KIRREL3: variants seen among roughly 807,000 people sequenced by gnomAD.
The protein encoded by KIRREL3 is kin of IRRE-like protein 3.
Under a neutral mutation model 89.7 loss-of-function variants are expected in KIRREL3, and 36 were observed. The ratio of observed to expected loss-of-function variants is 0.40; its 90% confidence interval spans 0.31 to 0.53. KIRREL3 has a LOEUF of 0.53. Among genes scored for constraint, KIRREL3 ranks in the 20% least tolerant of loss-of-function variants. The pLI, the probability that KIRREL3 is intolerant of heterozygous loss-of-function variation, is 0.49. For missense variants in KIRREL3, 864 were observed against 1,056.6 expected, an observed-to-expected ratio of 0.82 and a Z score of 2.53; for synonymous variants, 445 against 441.4, an observed-to-expected ratio of 1.01 and a Z score of -0.10.
chr11:126,753,954 A>G (rs1949415499), intron 1 of KIRREL3, among the ~76,000 whole-genome samples: 1 of 152,144 alleles, frequency 6.6e-6, no homozygotes, highest in Non-Finnish European at 1.5e-5. Flanking sequence ...GGAATGGTTT[A>G]TGTGTCTTCC....
At position 126,658,525 on chromosome 11, in the gene KIRREL3, A is replaced by G. The variant is rs527706046; in HGVS notation, c.56-95613T>C. Among the ~76,000 whole-genome samples, 5 of 152,340 alleles carry G rather than the reference A, an allele frequency of 3.3e-5. No individual in the cohort carries two copies. The South Asian group carries it at 1.0e-3, about 32-fold the overall frequency. On this transcript the variant is annotated intron_variant, in intron 1 of 16. Coordinates refer to ENST00000525144, the MANE Select transcript of KIRREL3 (RefSeq NM_032531.4). The stretch of plus-strand genomic sequence containing the variant: ...TTTAGCCTAATAACCTCAGTAAGGT[A>G]ATGTTTGATTTGTGCTAAGTATCTG...
chr11:126,600,782 A>G (rs1242299264), intron 1 of KIRREL3, among the ~76,000 whole-genome samples: 1 of 152,142 alleles, frequency 6.6e-6, no homozygotes, highest in Non-Finnish European at 1.5e-5. Flanking sequence ...CTCCTTATAC[A>G]CCTTTGATCA....
In KIRREL3 at chr11:126,477,511, A is replaced by G. The variant is rs1161393477; in HGVS notation, c.434-4045T>C. Among the ~76,000 whole-genome samples, 3 of 152,190 alleles carry G rather than the reference A, an allele frequency of 2.0e-5. No individual in the cohort carries two copies. The highest frequency in any genetic ancestry group is 4.4e-5 in the Non-Finnish European group (3 of 68,018). ...AAGTTACCAGTGACGAGAGCAAAGA[A>G]GGGTGAGGGTGGGCTTGGGACGCAC... On this transcript the variant is annotated intron_variant, in intron 4 of 16. Coordinates refer to ENST00000525144, the MANE Select transcript of KIRREL3 (RefSeq NM_032531.4). This position sits in a 1 kb window ranked among gnomAD's most constrained non-coding sequence, Gnocchi z 4.8.
intron 1 of KIRREL3, among the ~76,000 whole-genome samples, chr11:126,616,112 A>G (rs537443054): frequency 3.3e-4 from 50 of 152,362 alleles, no homozygotes; most frequent in African/African-American, 1.1e-3. Flanking sequence ...AGGAAGGAGC[A>G]GGTGCTCCAA....
Position 126,796,596 on chromosome 11 carries a change from T to A in KIRREL3, c.55+203859A>T, listed in dbSNP as rs1197401293. 1.3e-5 allele frequency among the ~76,000 whole-genome samples: 2 copies of A among 152,242 alleles called. No homozygotes were observed. Among genetic ancestry groups the A allele is most frequent in the African/African-American group, 4.8e-5 (2 of 41,466 alleles). ...CCACTGGGTGATTGGGCACTAGAAATGTTGGCACAAGTGCCCTCTTATGTT... is the reference window on the plus strand; with the variant it reads ...CCACTGGGTGATTGGGCACTAGAAAAGTTGGCACAAGTGCCCTCTTATGTT... On this transcript the variant is annotated intron_variant, in intron 1 of 16. Coordinates refer to ENST00000525144, the MANE Select transcript of KIRREL3 (RefSeq NM_032531.4). This position sits in a 1 kb window ranked among gnomAD's most constrained non-coding sequence, Gnocchi z 5.1.
chr11:126,601,394 C>G lies in KIRREL3; in HGVS notation c.56-38482G>C, dbSNP rs1047115725. On this transcript the variant is annotated intron_variant, in intron 1 of 16. Coordinates refer to ENST00000525144, the MANE Select transcript of KIRREL3 (RefSeq NM_032531.4). The surrounding 1 kb of genome is among the most constrained non-coding windows in gnomAD (Gnocchi z 5.8). ...GGGAACACAGCTCTGGGAGCACCTGCAATCTCATCTTGTTTCTTTCCAAGC... is the reference window on the plus strand; with the variant it reads ...GGGAACACAGCTCTGGGAGCACCTGGAATCTCATCTTGTTTCTTTCCAAGC... Among the ~76,000 whole-genome samples the G allele has an allele frequency of 7.9e-5, 12 of 152,208 alleles. No homozygotes were observed. The highest frequency in any genetic ancestry group is 2.4e-4 in the African/African-American group (10 of 41,452).
intron 1 of KIRREL3, among the ~76,000 whole-genome samples, chr11:126,674,892 C>T (rs1288451538): frequency 6.6e-6 from 1 of 152,098 alleles, no homozygotes; most frequent in Admixed American, 6.5e-5. Context: ...GAGGAGATGG[C>T]GTAGTGAGTT....
chr11:126,907,153 C>T (rs1946620484), intron 1 of KIRREL3, among the ~76,000 whole-genome samples: 1 of 152,092 alleles, frequency 6.6e-6, no homozygotes, highest in Admixed American at 6.5e-5. Context: ...TATGAAACTA[C>T]CTACCTTCCA....
At chr11:126,631,124 T>TATGTATTCATTC (rs543668078) in intron 1 of KIRREL3, among the ~76,000 whole-genome samples, 3,690 of 106,688 alleles carry the variant, frequency 0.035, 60 homozygotes, top group Admixed American at 0.054. Flanking sequence ...TGTATGTATG[T>TATGTATTCATTC]ATTCATTCAT....
In KIRREL3 at chr11:126,526,686, G is replaced by A. The variant is rs1328743657; in HGVS notation, c.135C>T (p.Gly45=). Residue 45 remains glycine (G), a splice_region_variant and synonymous_variant, in exon 3 of 17, where the codon GGC becomes GGT. Coordinates refer to ENST00000525144, the MANE Select transcript of KIRREL3 (RefSeq NM_032531.4). The surrounding 1 kb of genome is among the most constrained non-coding windows in gnomAD (Gnocchi z 5.7). ...GCTGCTGGCTGAAGGAATAGACTTG[G>A]CCTGGGAAGGAGACAAACACAATGG... ...AKDKFRRMNE[G]QVYSFSQQPQ... The A allele has an allele frequency of 6.4e-7, 1 of 1,559,444 alleles. No homozygotes were observed. Among genetic ancestry groups the A allele is most frequent in the Non-Finnish European group, 8.7e-7 (1 of 1,151,490 alleles).
chr11:126,786,524 T>TA (rs1290631067), intron 1 of KIRREL3, among the ~76,000 whole-genome samples: 2 of 152,214 alleles, frequency 1.3e-5, no homozygotes, highest in Non-Finnish European at 2.9e-5. Context: ...ATAACCTTCA[T>TA]AAAAATTAAT....
chr11:126,680,211 A>C (rs2135095769), intron 1 of KIRREL3, among the ~76,000 whole-genome samples: 1 of 152,288 alleles, frequency 6.6e-6, no homozygotes, highest in African/African-American at 2.4e-5. Flanking sequence ...TGCTTTCATG[A>C]CCAGTGAGGG....
In KIRREL3 at chr11:126,606,270, G is replaced by A. The variant is rs532637579; in HGVS notation, c.56-43358C>T. Among the ~76,000 whole-genome samples the A allele has an allele frequency of 6.6e-6, 1 of 152,308 alleles. No homozygotes were observed. Among genetic ancestry groups the A allele is most frequent in the South Asian group, 2.1e-4 (1 of 4,820 alleles). On this transcript the variant is annotated intron_variant, in intron 1 of 16. Coordinates refer to ENST00000525144, the MANE Select transcript of KIRREL3 (RefSeq NM_032531.4). The surrounding 1 kb of genome is among the most constrained non-coding windows in gnomAD (Gnocchi z 4.6). ...ACAGTTTAGTATGGTGTTTATGAGAGTGGATCTGGAGTGTGGGTTTGGATT... is the reference window on the plus strand; with the variant it reads ...ACAGTTTAGTATGGTGTTTATGAGAATGGATCTGGAGTGTGGGTTTGGATT...
rs1955113445 is a variant in KIRREL3, at chr11:126,431,172, G to T, written c.1696+247C>A. On this transcript the variant is annotated intron_variant, in intron 14 of 16. Coordinates refer to ENST00000525144, the MANE Select transcript of KIRREL3 (RefSeq NM_032531.4). This position sits in a 1 kb window ranked among gnomAD's most constrained non-coding sequence, Gnocchi z 7.1. The stretch of plus-strand genomic sequence containing the variant: ...AAGAGCTATGTGTTCAATCCAAAAT[G>T]CTGGCTGCCCTGCAGATGAAGTTCA... The T allele has an allele frequency of 2.8e-6, 4 of 1,450,378 alleles. No homozygotes were observed. The highest frequency in any genetic ancestry group is 9.1e-7 in the Non-Finnish European group (1 of 1,102,342). The allele number at this position is 1,450,378 out of a possible 1,614,324, so 89.8% of individuals were successfully genotyped here. A position where few individuals can be genotyped will look rare whatever the true frequency, so the allele number is the denominator to read the frequency against.
rs1037271246 is a variant in KIRREL3 at position 126,639,317 on chromosome 11, T to C, written c.56-76405A>G. Among the ~76,000 whole-genome samples the C allele has an allele frequency of 5.9e-5, 9 of 152,264 alleles. No individual in the cohort carries two copies. The highest frequency in any genetic ancestry group is 1.7e-4 in the African/African-American group (7 of 41,478). On this transcript the variant is annotated intron_variant, in intron 1 of 16. Transcript: ENST00000525144. This position sits in a 1 kb window ranked among gnomAD's most constrained non-coding sequence, Gnocchi z 4.3. ...CAATGAAGATCTAGGCAGCTATTTG[T>C]ATTTCTGTTTGGATTTTTGGGTCCT...
At position 126,879,297 on chromosome 11, in the gene KIRREL3, A is replaced by G. The variant is rs1490763261; in HGVS notation, c.55+121158T>C. ...TTAGACTAGTGCTGAGGCTGAGTTA[A>G]TGCCAGTTTCCAGAAAGGATTAATA... is the stretch of plus-strand genomic sequence containing the variant. On this transcript the variant is annotated intron_variant, in intron 1 of 16. Coordinates refer to ENST00000525144, the MANE Select transcript of KIRREL3 (RefSeq NM_032531.4). The surrounding 1 kb of genome is among the most constrained non-coding windows in gnomAD (Gnocchi z 5.4). Among the ~76,000 whole-genome samples, 1 of 152,200 alleles carries G rather than the reference A, an allele frequency of 6.6e-6. No individual in the cohort carries two copies. The highest frequency in any genetic ancestry group is 1.5e-5 in the Non-Finnish European group (1 of 68,024).
At chr11:126,925,987 G>T (rs1334216085) in intron 1 of KIRREL3, among the ~76,000 whole-genome samples, 1 of 152,232 alleles carries the variant, frequency 6.6e-6, no homozygotes, top group Non-Finnish European at 1.5e-5. Context: ...ATGTACTGCA[G>T]TGACTCAGTC....
chr11:126,690,782 C>T (rs529863425), intron 1 of KIRREL3, among the ~76,000 whole-genome samples: 11 of 152,316 alleles, frequency 7.2e-5, no homozygotes, highest in Admixed American at 5.2e-4. Flanking sequence ...TAGCTGCTGT[C>T]GTGAATACAA....
rs1040544919 is a variant in KIRREL3, at chr11:126,535,899, C to G, written c.134-9212G>C. ...ACTCAGGAGGCTGAGCCAGGAGAAT[C>G]CATAGAACCTGGGAGGCGGAGGTTG... is the stretch of plus-strand genomic sequence containing the variant. On this transcript the variant is annotated intron_variant, in intron 2 of 16. Transcript: ENST00000525144. This position sits in a 1 kb window ranked among gnomAD's most constrained non-coding sequence, Gnocchi z 4.5. Among the ~76,000 whole-genome samples, 12 of 152,180 alleles carry G rather than the reference C, an allele frequency of 7.9e-5. No individual in the cohort carries two copies. Among genetic ancestry groups the G allele is most frequent in the Non-Finnish European group, 1.8e-4 (12 of 68,038 alleles).
Sources: gnomAD v4.1 joint callset for allele counts (sites outside exome capture counted in the v4.1 genomes callset) on GRCh38, gnomAD v4.1.1 for gene constraint, Gnocchi (gnomAD v3.1) non-coding constraint, MANE v1.5 for transcripts, NCBI Gene and HGNC (gene_info 2026-07-23, HGNC 2026-07-21) for gene names.